The following GABRG2 variants were observed in gnomAD, a reference collection of about 807,000 sequenced individuals.
GABRG2 encodes the protein gamma-aminobutyric acid receptor subunit gamma-2.
Under a neutral mutation model 56.4 loss-of-function variants are expected in GABRG2, and 16 were observed. That is an observed-to-expected ratio of 0.28 (90% CI 0.19 to 0.43). GABRG2 has a LOEUF of 0.43. GABRG2 is among the 20% of genes least tolerant of loss of function. The pLI is 1.00. For missense variants in GABRG2, 327 were observed against 582.7 expected, an observed-to-expected ratio of 0.56 and a Z score of 4.52; for synonymous variants, 208 against 205.5, an observed-to-expected ratio of 1.01 and a Z score of -0.10.
At chr5:162,145,988 A>G (rs1262124275) in intron 7 of GABRG2, among the ~76,000 whole-genome samples, 2 of 151,186 alleles carry the variant, frequency 1.3e-5, no homozygotes, top group Non-Finnish European at 2.9e-5. Context: ...AATACCTAAT[A>G]TTTATTAGGA....
At chr5:162,117,504 A>T (rs965260152) in intron 6 of GABRG2, among the ~76,000 whole-genome samples, 1 of 152,156 alleles carries the variant, frequency 6.6e-6, no homozygotes, top group Non-Finnish European at 1.5e-5. Context: ...TGTCAAAAAG[A>T]GTAGTTTCAA....
At chr5:162,114,872 C>T (rs1228347052) in intron 6 of GABRG2, among the ~76,000 whole-genome samples, 5 of 152,140 alleles carry the variant, frequency 3.3e-5, no homozygotes, top group Admixed American at 1.3e-4. Context: ...TAGTCTTCAC[C>T]GTCTTTTAGT....
At position 162,105,720 on chromosome 5, in the gene GABRG2, G is replaced by A. The variant is rs112502747; in HGVS notation, c.769+1694G>A. Reference sequence around the variant, plus strand: ...GCTGGGATTACAGGCAAGAGCCACCGCGCCCGGCCTAGAACAATCTTTCAT... The same window carrying A: ...GCTGGGATTACAGGCAAGAGCCACCACGCCCGGCCTAGAACAATCTTTCAT... On this transcript the variant is annotated intron_variant, in intron 6 of 9. Transcript: ENST00000639213. 7.2e-3 allele frequency among the ~76,000 whole-genome samples: 1,094 copies of A among 151,810 alleles called. 17 individuals are homozygous for A. The highest frequency in any genetic ancestry group is 0.024 in the African/African-American group (996 of 41,416).
chr5:162,083,861 CTAAG>C (rs1415958670), intron 1 of GABRG2, among the ~76,000 whole-genome samples: 3 of 151,774 alleles, frequency 2.0e-5, no homozygotes, highest in Non-Finnish European at 3.0e-5. Flanking sequence ...TTTGCCACAT[CTAAG>C]TAATACGTGG....
rs3797861 is a variant in GABRG2, at chr5:162,071,942, A to G, written c.107+3836A>G. On this transcript the variant is annotated intron_variant, in intron 1 of 9. Coordinates refer to ENST00000639213, the MANE Select transcript of GABRG2 (RefSeq NM_198904.4). Reference sequence around the variant, plus strand: ...GAAAAAAAAAATAAAGAAAAACAGAACGTAAATACTCATCACCCAGTATTT... The same window carrying G: ...GAAAAAAAAAATAAAGAAAAACAGAGCGTAAATACTCATCACCCAGTATTT... Among the ~76,000 whole-genome samples, 119 of 152,006 alleles carry G rather than the reference A, an allele frequency of 7.8e-4. 4 individuals carry two copies. The East Asian group carries it at 0.022, about 28-fold the overall frequency.
intron 1 of GABRG2, among the ~76,000 whole-genome samples, chr5:162,078,169 C>T (rs974710863): frequency 3.3e-5 from 5 of 151,816 alleles, no homozygotes; most frequent in African/African-American, 7.2e-5. Context: ...AAATGTGTTT[C>T]TCACAGTTCT....
intron 6 of GABRG2, among the ~76,000 whole-genome samples, chr5:162,110,139 T>G (rs1762152020): frequency 6.6e-6 from 1 of 152,116 alleles, no homozygotes; most frequent in African/African-American, 2.4e-5. Context: ...ACAAGGAATA[T>G]ATAACTAGGA....
chr5:162,108,709 C>T (rs1163290465), intron 6 of GABRG2, among the ~76,000 whole-genome samples: 1 of 151,994 alleles, frequency 6.6e-6, no homozygotes, highest in Non-Finnish European at 1.5e-5. Flanking sequence ...CAGGGTTGCT[C>T]CAAGGATTAA....
chr5:162,114,554 A>T (rs1309450935), intron 6 of GABRG2, among the ~76,000 whole-genome samples: 1 of 152,122 alleles, frequency 6.6e-6, no homozygotes, highest in Non-Finnish European at 1.5e-5. Flanking sequence ...TAAATAAATA[A>T]ATAAGATAAA....
At chr5:162,151,587 G>A (rs1427764218) in intron 8 of GABRG2, 143 bp from the exon 9 acceptor site, 1 of 700,114 alleles carries the variant, frequency 1.4e-6, no homozygotes, top group African/African-American at 1.8e-5. Flanking sequence ...CTCTCCTTCT[G>A]TGTTTATAAT....
intron 1 of GABRG2, chr5:162,083,397 C>G (rs1759812825): frequency 6.5e-6 from 1 of 153,444 alleles, no homozygotes; most frequent in African/African-American, 2.4e-5. Context: ...TCTGTGGACT[C>G]CTTGCAAATA....
intron 6 of GABRG2, among the ~76,000 whole-genome samples, chr5:162,110,552 A>G (rs1293986451): frequency 6.6e-6 from 1 of 152,064 alleles, no homozygotes; most frequent in Non-Finnish European, 1.5e-5. Context: ...GATTTAGATG[A>G]TATATTTTGG....
intron 4 of GABRG2, chr5:162,098,076 T>C (rs780471235): frequency 5.2e-6 from 3 of 571,656 alleles, no homozygotes; most frequent in Non-Finnish European, 9.3e-6. Flanking sequence ...GCAAAGCTTA[T>C]TTTCCACAAC....
At chr5:162,077,752 C>T (rs934990594) in intron 1 of GABRG2, among the ~76,000 whole-genome samples, 2 of 152,082 alleles carry the variant, frequency 1.3e-5, no homozygotes, top group Admixed American at 6.6e-5. Context: ...TAGGATCTCT[C>T]GTAAGATTGC....
At chr5:162,089,634 TA>T (rs1760408994) in intron 1 of GABRG2, among the ~76,000 whole-genome samples, 1 of 152,102 alleles carries the variant, frequency 6.6e-6, no homozygotes, top group South Asian at 2.1e-4. Flanking sequence ...ATTAAAAATA[TA>T]AAAATAGTTT....
At chr5:162,131,806 A>C (rs1763777100) in intron 6 of GABRG2, among the ~76,000 whole-genome samples, 1 of 151,974 alleles carries the variant, frequency 6.6e-6, no homozygotes, top group Admixed American at 6.6e-5. Flanking sequence ...TGCAGCTGTT[A>C]ACTTGTTAGA....
At chr5:162,078,396 TA>T (rs1431517164) in intron 1 of GABRG2, among the ~76,000 whole-genome samples, 485 of 23,390 alleles carry the variant, frequency 0.021, 17 homozygotes, top group African/African-American at 0.029. Context: ...TATATATATA[TA>T]TTTTTTTTTT....
chr5:162,094,287 A>G (rs1012681925), intron 2 of GABRG2: 1 of 372,136 alleles, frequency 2.7e-6, no homozygotes, highest in African/African-American at 2.1e-5. Context: ...AGCAACATAA[A>G]CAAATCAAAC....
At chr5:162,125,085 A>T (rs1763239902) in intron 6 of GABRG2, among the ~76,000 whole-genome samples, 1 of 151,656 alleles carries the variant, frequency 6.6e-6, no homozygotes. Flanking sequence ...ACTGTCTTCA[A>T]TAGTTCTTAT....
Sources: allele counts gnomAD v4.1 joint callset (sites outside exome capture counted in the v4.1 genomes callset), GRCh38; gene constraint gnomAD v4.1.1; transcripts MANE v1.5; gene names NCBI Gene and HGNC (gene_info 2026-07-23, HGNC 2026-07-21).